TMEM243: variants seen among roughly 807,000 people sequenced by gnomAD.
The protein encoded by TMEM243 is transmembrane protein 243.
A neutral mutation model predicts 15.0 loss-of-function variants in TMEM243; 20 were observed. The observed-to-expected ratio is 1.33, with a 90% confidence interval of 0.94 to 1.93. The LOEUF (loss-of-function observed/expected upper bound fraction) is 1.93. Ranked by LOEUF, TMEM243 falls within the 30% of genes most tolerant of loss-of-function variation. The pLI, the probability that TMEM243 is intolerant of heterozygous loss-of-function variation, is 0.00. For missense variants in TMEM243, 156 were observed against 142.1 expected, an observed-to-expected ratio of 1.10 and a Z score of -0.50; for synonymous variants, 72 against 52.7, an observed-to-expected ratio of 1.37 and a Z score of -1.59.
At chr7:87,204,952 A>T (rs2129226980) in intron 1 of TMEM243, among the ~76,000 whole-genome samples, 1 of 152,378 alleles carries the variant, frequency 6.6e-6, no homozygotes, top group South Asian at 2.1e-4. Context: ...CTGGACATCC[A>T]GGTGTTTCTG....
chr7:87,204,088 A>C (rs1002879859), intron 1 of TMEM243, among the ~76,000 whole-genome samples: 1 of 152,230 alleles, frequency 6.6e-6, no homozygotes, highest in Non-Finnish European at 1.5e-5. Flanking sequence ...CACGTCTTAC[A>C]TGATGGCAGG....
chr7:87,209,671 C>CGAGAGTGAGACACAGTGA, intron 1 of TMEM243, among the ~76,000 whole-genome samples: 1 of 24,480 alleles, frequency 4.1e-5, no homozygotes, highest in Non-Finnish European at 7.7e-5. Flanking sequence ...CGAGAGAGAG[C>CGAGAGTGAGACACAGTGA]GAGAGCGAGA....
At chr7:87,209,228 G>C (rs1802433660) in intron 1 of TMEM243, among the ~76,000 whole-genome samples, 1 of 152,150 alleles carries the variant, frequency 6.6e-6, no homozygotes, top group Non-Finnish European at 1.5e-5. Context: ...CACATGGCTG[G>C]GGAGACCTCA....
chr7:87,200,166 A>G (rs549106262), intron 1 of TMEM243, among the ~76,000 whole-genome samples: 163 of 152,236 alleles, frequency 1.1e-3, no homozygotes, highest in Admixed American at 3.4e-3. Context: ...CAAGTATTGG[A>G]TGTGTGTGAT....
chr7:87,197,719 GCT>G, intron 3 of TMEM243: 1 of 284,822 alleles, frequency 3.5e-6, no homozygotes, highest in Non-Finnish European at 4.8e-6. Context: ...TTTTTTTTAA[GCT>G]ATCAAGGGAG....
At chr7:87,201,827 TTG>T (rs1801832623) in intron 1 of TMEM243, among the ~76,000 whole-genome samples, 1 of 152,220 alleles carries the variant, frequency 6.6e-6, no homozygotes, top group Admixed American at 6.5e-5. Flanking sequence ...CTACCATAAC[TTG>T]TCTCTCCTAC....
chr7:87,210,852 A>C (rs925428848), intron 1 of TMEM243, among the ~76,000 whole-genome samples: 26 of 152,192 alleles, frequency 1.7e-4, no homozygotes, highest in African/African-American at 6.0e-4. Context: ...ACATCCTCTG[A>C]AATCTAGGCG....
intron 1 of TMEM243, among the ~76,000 whole-genome samples, chr7:87,203,396 T>TG (rs1801967481): frequency 6.6e-6 from 1 of 152,058 alleles, no homozygotes; most frequent in Non-Finnish European, 1.5e-5. Flanking sequence ...GAGGATCACT[T>TG]GAGTTCAGGG....
chr7:87,198,307 A>G (rs1801520982), intron 2 of TMEM243: 1 of 358,014 alleles, frequency 2.8e-6, no homozygotes. Flanking sequence ...TTCATTAACT[A>G]AACCTCACTC....
chr7:87,203,492 G>A (rs1020367990), intron 1 of TMEM243, among the ~76,000 whole-genome samples: 3 of 151,988 alleles, frequency 2.0e-5, no homozygotes, highest in Non-Finnish European at 1.5e-5. Flanking sequence ...ACATGTGCCT[G>A]TAGTCTCAGC....
At chr7:87,204,013 G>T (rs1451635590) in intron 1 of TMEM243, among the ~76,000 whole-genome samples, 1 of 152,166 alleles carries the variant, frequency 6.6e-6, no homozygotes, top group African/African-American at 2.4e-5. Context: ...AAGAAAAAGA[G>T]ATTTAATGGA....
intron 1 of TMEM243, chr7:87,218,678 A>C (rs1803279392): frequency 1.3e-5 from 2 of 152,066 alleles, no homozygotes; most frequent in South Asian, 2.1e-4. Flanking sequence ...GGCTATGATC[A>C]ATTAGTTGTC....
At chr7:87,203,364 G>C (rs1274817591) in intron 1 of TMEM243, among the ~76,000 whole-genome samples, 1 of 152,164 alleles carries the variant, frequency 6.6e-6, no homozygotes, top group African/African-American at 2.4e-5. Context: ...TGTAATCCCA[G>C]CACTTTGGGA....
Position 87,219,586 on chromosome 7 carries a change from C to T in TMEM243, c.-83G>A. The stretch of plus-strand genomic sequence containing the variant: ...AGGTCTCAGGTCCACGACTGCAAGC[C>T]TCCTCCTCACGGCTCCCGCATAGCC... On this transcript the variant is annotated 5_prime_UTR_variant, in exon 1 of 4. Coordinates refer to ENST00000257637, the MANE Select transcript of TMEM243 (RefSeq NM_024315.4). 8.0e-7 allele frequency: 1 copy of T among 1,249,478 alleles called. No individual in the cohort carries two copies. The highest frequency in any genetic ancestry group is 1.2e-6 in the Non-Finnish European group (1 of 863,150). 77.4% of individuals were successfully genotyped at this position (1,249,478 alleles called of 1,614,324 possible). A position where few individuals can be genotyped will look rare whatever the true frequency, so the allele number is the denominator to read the frequency against.
intron 3 of TMEM243, chr7:87,197,699 TTTTTTTTTTTTTTTTTTA>T: frequency 3.8e-6 from 4 of 1,055,004 alleles, no homozygotes; most frequent in Non-Finnish European, 4.6e-6. Context: ...TTTTTTTTTT[TTTTTTTTTTTTTTTTTTA>T]AGCTATCAAG....
At chr7:87,210,730 C>G (rs1802684641) in intron 1 of TMEM243, among the ~76,000 whole-genome samples, 1 of 152,254 alleles carries the variant, frequency 6.6e-6, no homozygotes, top group Admixed American at 6.5e-5. Context: ...GTACAGCCCC[C>G]ACAGCTGCTT....
intron 1 of TMEM243, among the ~76,000 whole-genome samples, chr7:87,212,334 C>T (rs559917117): frequency 2.6e-5 from 4 of 152,222 alleles, no homozygotes; most frequent in Non-Finnish European, 5.9e-5. Context: ...TGCATTCCAC[C>T]ATTCTCACAG....
rs758330548 is a variant in TMEM243 at position 87,197,990 on chromosome 7, A to G, written c.185T>C (p.Ile62Thr). Residue 62 changes from isoleucine to threonine, a missense_variant, in exon 3 of 4, where the codon ATA becomes ACA. Coordinates refer to ENST00000257637, the MANE Select transcript of TMEM243 (RefSeq NM_024315.4). The stretch of plus-strand genomic sequence containing the variant: ...CAAAGAGATGCAGACAGCAAAGAAT[A>G]TATTCAACGGTTTTGGAGGTAGTTG... ...FPQLPPKPLN[I>T]FFAVCISLSS... is the part of the protein sequence containing the mutation. 8 of 1,613,090 alleles carry G rather than the reference A, an allele frequency of 5.0e-6. No individual in the cohort carries two copies. Among genetic ancestry groups the G allele is most frequent in the Non-Finnish European group, 3.4e-6 (4 of 1,179,318 alleles).
Position 87,204,319 on chromosome 7 carries a change from G to C in TMEM243, c.79-5262C>G, listed in dbSNP as rs572106613. 1.3e-3 allele frequency among the ~76,000 whole-genome samples: 205 copies of C among 152,208 alleles called. 1 individual carries two copies. The highest frequency in any genetic ancestry group is 4.9e-3 in the African/African-American group (202 of 41,530). ...GGCCAAACCACACAATTTCATCCCT[G>C]GCCCCTCCCAAATCTCATGTCCTCA... On this transcript the variant is annotated intron_variant, in intron 1 of 3. Coordinates refer to ENST00000257637, the MANE Select transcript of TMEM243 (RefSeq NM_024315.4).
Sources: allele counts gnomAD v4.1 joint callset (sites outside exome capture counted in the v4.1 genomes callset), GRCh38; gene constraint gnomAD v4.1.1; transcripts MANE v1.5; gene names NCBI Gene and HGNC (gene_info 2026-07-23, HGNC 2026-07-21).